LNPEP: variants seen among roughly 807,000 people sequenced by gnomAD.
The protein encoded by LNPEP is leucyl and cystinyl aminopeptidase.
LNPEP carries 64 observed loss-of-function variants against 120.6 expected under a neutral mutation model. That is an observed-to-expected ratio of 0.53 (90% CI 0.43 to 0.65). The LOEUF (loss-of-function observed/expected upper bound fraction) is 0.65. LNPEP is among the 30% of genes least tolerant of loss of function. The pLI is 0.00. For synonymous variants in LNPEP, 435 were observed against 425.4 expected, an observed-to-expected ratio of 1.02 and a Z score of -0.28; for missense variants, 1,057 against 1,200.0, an observed-to-expected ratio of 0.88 and a Z score of 1.76.
rs921031905 is a variant in LNPEP, at chr5:96,981,430, A to G, written c.860+1452A>G. On this transcript the variant is annotated intron_variant, in intron 2 of 17. Transcript: ENST00000231368. ...GTAAAATACTGTTTTATAATACTCT[A>G]TTTCTTAATCTTAAAGAAACATATT... Among the ~76,000 whole-genome samples the G allele has an allele frequency of 5.3e-5, 8 of 152,260 alleles. No individual in the cohort carries two copies. The East Asian group carries it at 1.5e-3, about 29-fold the overall frequency.
At chr5:97,010,950 T>C in intron 11 of LNPEP, 1 of 985,408 alleles carries the variant, frequency 1.0e-6, no homozygotes, top group Non-Finnish European at 1.2e-6. Flanking sequence ...CTGTCTGTCT[T>C]TGTGCTGTTG....
At chr5:96,943,154 G>T in intron 1 of LNPEP, 1 of 520,504 alleles carries the variant, frequency 1.9e-6, no homozygotes, top group Non-Finnish European at 2.8e-6. Context: ...TATTGAGCCA[G>T]GAGTTGAGGT....
At position 97,029,206 on chromosome 5, in the gene LNPEP, G is replaced by T. The variant is rs1442100835; in HGVS notation, c.*673G>T. ...TTGAAAAGCTAAACAAGGCCAAAAG[G>T]TTAAATTTTTTGAATATTTAAGACT... is the stretch of plus-strand genomic sequence containing the variant. On this transcript the variant is annotated 3_prime_UTR_variant, in exon 18 of 18. Coordinates refer to ENST00000231368, the MANE Select transcript of LNPEP (RefSeq NM_005575.3). 6.6e-6 allele frequency: 1 copy of T among 152,288 alleles called. No individual in the cohort carries two copies. The highest frequency in any genetic ancestry group is 2.4e-5 in the African/African-American group (1 of 41,442). 9.4% of individuals were successfully genotyped at this position (152,288 alleles called of 1,614,324 possible). A position where few individuals can be genotyped will look rare whatever the true frequency, so the allele number is the denominator to read the frequency against.
At chr5:96,939,354 C>T (rs1281045331) in intron 1 of LNPEP, among the ~76,000 whole-genome samples, 5 of 151,866 alleles carry the variant, frequency 3.3e-5, no homozygotes, top group African/African-American at 9.7e-5. Flanking sequence ...GCTGGGATTA[C>T]AGGCGCCCGC....
chr5:96,939,779 A>G (rs1018388546), intron 1 of LNPEP, among the ~76,000 whole-genome samples: 2 of 152,166 alleles, frequency 1.3e-5, no homozygotes, highest in Non-Finnish European at 2.9e-5. Context: ...TGGGCAACAA[A>G]TGAGATATTT....
At chr5:96,943,096 T>C in intron 1 of LNPEP, 1 of 330,788 alleles carries the variant, frequency 3.0e-6, no homozygotes, top group South Asian at 5.8e-5. Context: ...AGTGACTCAT[T>C]GACTTCCACA....
At chr5:96,943,740 C>T (rs1789116603) in intron 1 of LNPEP, among the ~76,000 whole-genome samples, 1 of 152,192 alleles carries the variant, frequency 6.6e-6, no homozygotes, top group African/African-American at 2.4e-5. Context: ...AAAATTCAAG[C>T]TTCCAAGGGA....
intron 4 of LNPEP, among the ~76,000 whole-genome samples, chr5:96,991,425 A>G (rs946352939): frequency 6.6e-6 from 1 of 152,178 alleles, no homozygotes; most frequent in Admixed American, 6.6e-5. Context: ...TCCCACCAGC[A>G]GTGTAAAGGT....
rs554919796 is a variant in LNPEP, at chr5:97,029,248, A to G, written c.*715A>G. 2 of 152,500 alleles carry G rather than the reference A, an allele frequency of 1.3e-5. No homozygotes were observed. Among genetic ancestry groups the G allele is most frequent in the Admixed American group, 1.3e-4 (2 of 15,300 alleles). 9.4% of individuals were successfully genotyped at this position (152,500 alleles called of 1,614,324 possible). A position where few individuals can be genotyped will look rare whatever the true frequency, so the allele number is the denominator to read the frequency against. ...TTTAAGACTTTCTTTTTCATCTTTT[A>G]TAGCGTTACCATAGGAAACTGTTCC... is the stretch of plus-strand genomic sequence containing the variant. On this transcript the variant is annotated 3_prime_UTR_variant, in exon 18 of 18. Transcript: ENST00000231368.
intron 2 of LNPEP, among the ~76,000 whole-genome samples, chr5:96,983,104 TATG>T (rs1790164329): frequency 6.6e-6 from 1 of 152,216 alleles, no homozygotes; most frequent in Admixed American, 6.5e-5. Flanking sequence ...CATTGAGATG[TATG>T]AGATGTAGGT....
chr5:96,979,404 A>G lies in LNPEP; in HGVS notation c.286A>G (p.Arg96Gly). Residue 96 changes from arginine (R) to glycine (G), a missense_variant, in exon 2 of 18, where the codon AGG (arginine) becomes GGG (glycine). By Grantham distance (125) the Arg-to-Gly change is moderately radical. Transcript: ENST00000231368. ...CCTTCGGAACAGTGCAACTGGTTAC[A>G]GGCAGAGCCCAGATGGGGCTTGTTC... is the stretch of plus-strand genomic sequence containing the variant. ...SGLRNSATGY[R>G]QSPDGACSVP... 1.2e-6 allele frequency: 2 copies of G among 1,614,124 alleles called. No individual in the cohort carries two copies. Among genetic ancestry groups the G allele is most frequent in the East Asian group, 4.5e-5 (2 of 44,888 alleles).
In LNPEP at chr5:96,977,343, C is replaced by G. The variant is rs567564523; in HGVS notation, c.20-1795C>G. Among the ~76,000 whole-genome samples, 13 of 151,832 alleles carry G rather than the reference C, an allele frequency of 8.6e-5. No homozygotes were observed. In the South Asian group the frequency reaches 2.7e-3, roughly 32 times the overall value. On this transcript the variant is annotated intron_variant, in intron 1 of 17. Transcript: ENST00000231368. ...GAAAGGGAGATGATGACACTGCAAG[C>G]AGAGGGAAGAGAAAAGAAAAAGAGA...
At chr5:97,006,693 T>C (rs1016285469) in intron 11 of LNPEP, among the ~76,000 whole-genome samples, 178 bp downstream of exon 11, 1 of 152,254 alleles carries the variant, frequency 6.6e-6, no homozygotes, top group African/African-American at 2.4e-5. Flanking sequence ...AAACTGGCTT[T>C]TAGCCATGTG....
At chr5:97,015,355 A>G (rs1042941295) in intron 13 of LNPEP, among the ~76,000 whole-genome samples, 2 of 152,112 alleles carry the variant, frequency 1.3e-5, no homozygotes, top group Non-Finnish European at 1.5e-5. Context: ...CATGAGAATA[A>G]TATTTCTCTA....
In LNPEP at chr5:97,006,663, G is replaced by C. The variant is rs181686855; in HGVS notation, c.2035+148G>C. 4 of 604,624 alleles carry C rather than the reference G, an allele frequency of 6.6e-6. No homozygotes were observed. In the East Asian group the frequency reaches 1.3e-4, roughly 19 times the overall value. 37.5% of individuals were successfully genotyped at this position (604,624 alleles called of 1,614,324 possible). On this transcript the variant is annotated intron_variant, in intron 11 of 17. Coordinates refer to ENST00000231368, the MANE Select transcript of LNPEP (RefSeq NM_005575.3). ...TGCAAGATGTGACTAATGTGAGATT[G>C]ATTCTGTATATCATGCACAAAACTG...
chr5:97,000,360 C>A (rs1264315364), intron 8 of LNPEP, among the ~76,000 whole-genome samples: 1 of 152,066 alleles, frequency 6.6e-6, no homozygotes, highest in Non-Finnish European at 1.5e-5. Flanking sequence ...ATATAGGAGG[C>A]CTGAGACTGC....
rs1055432811 is a variant in LNPEP, at chr5:97,031,394, C to CA, written c.*2862dup. On this transcript the variant is annotated 3_prime_UTR_variant, in exon 18 of 18. Transcript: ENST00000231368. The stretch of plus-strand genomic sequence containing the variant: ...GTCTCTTTAAATGAAATTTTGTTGT[C>CA]ATTGTTTCAGCATTCATGAACTTTC... 1.3e-5 allele frequency: 2 copies of CA among 152,102 alleles called. No individual in the cohort carries two copies. The highest frequency in any genetic ancestry group is 4.8e-5 in the African/African-American group (2 of 41,416). 9.4% of individuals were successfully genotyped at this position (152,102 alleles called of 1,614,324 possible).
At chr5:97,015,175 G>C in intron 13 of LNPEP, 80 bp downstream of exon 13, 1 of 925,454 alleles carries the variant, frequency 1.1e-6, no homozygotes, top group Non-Finnish European at 1.5e-6. Flanking sequence ...CCAGTAATAG[G>C]CTGAAAAAGC....
intron 11 of LNPEP, 50 bp downstream of exon 11, chr5:97,006,565 C>A: frequency 1.0e-6 from 1 of 988,716 alleles, no homozygotes; most frequent in South Asian, 1.3e-5. Context: ...TTTTAAAAAT[C>A]TGATCAGAGT....
Sources: gnomAD v4.1 joint callset for allele counts (sites outside exome capture counted in the v4.1 genomes callset) on GRCh38, gnomAD v4.1.1 for gene constraint, MANE v1.5 for transcripts, NCBI Gene and HGNC (gene_info 2026-07-23, HGNC 2026-07-21) for gene names.